Variants in NBEA observed in about 807,000 individuals in gnomAD.
NBEA encodes lysosomal-trafficking regulator 2.
Under a neutral mutation model 343.4 loss-of-function variants are expected in NBEA, and 44 were observed. The ratio of observed to expected loss-of-function variants is 0.13; its 90% CI spans 0.10 to 0.16. NBEA has a LOEUF of 0.16. Among genes scored for constraint, NBEA ranks in the 10% least tolerant of loss-of-function variants. The probability of loss-of-function intolerance (pLI) is 1.00; values close to 1 mark genes in which losing one functional copy is unlikely to be tolerated. For missense variants in NBEA, 2,555 were observed against 3,631.3 expected, an observed-to-expected ratio of 0.70 and a Z score of 7.62; for synonymous variants, 1,175 against 1,238.7, an observed-to-expected ratio of 0.95 and a Z score of 1.08.
intron 38 of NBEA, among the ~76,000 whole-genome samples, chr13:35,410,272 A>G: frequency 6.6e-6 from 1 of 152,076 alleles, no homozygotes; most frequent in Non-Finnish European, 1.5e-5. Context: ...TGAACTAAAA[A>G]CTAGGATTTG....
intron 41 of NBEA, chr13:35,475,445 G>A (rs1224484035): frequency 1.1e-5 from 17 of 1,613,136 alleles, no homozygotes; most frequent in Non-Finnish European, 1.4e-5. Context: ...GCGAACTGCA[G>A]CACCCAGGCG....
intron 39 of NBEA, among the ~76,000 whole-genome samples, chr13:35,433,014 C>T (rs1393600270): frequency 6.6e-6 from 1 of 151,884 alleles, no homozygotes; most frequent in African/African-American, 2.4e-5. Flanking sequence ...TTTAAATTTC[C>T]AGTCCTCCAA....
intron 49 of NBEA, among the ~76,000 whole-genome samples, chr13:35,641,510 C>T (rs2083945325): frequency 6.6e-6 from 1 of 152,032 alleles, no homozygotes; most frequent in Non-Finnish European, 1.5e-5. Context: ...GAACAAACTA[C>T]CGATACATAC....
rs1593489827 is a variant in NBEA, at chr13:35,656,252, A to G, written c.8362+503A>G. Reference sequence around the variant, plus strand: ...GCATTGTGGGAGATGCAAAAACTGAATAAGACAGTTTCCTTGCTTGGGAGG... The same window carrying G: ...GCATTGTGGGAGATGCAAAAACTGAGTAAGACAGTTTCCTTGCTTGGGAGG... On this transcript the variant is annotated intron_variant, in intron 55 of 58. Coordinates refer to ENST00000379939, the MANE Select transcript of NBEA (RefSeq NM_001385012.1). Among the ~76,000 whole-genome samples the G allele has an allele frequency of 3.9e-5, 6 of 152,336 alleles. No individual in the cohort carries two copies. The South Asian group carries it at 1.2e-3, about 32-fold the overall frequency.
At chr13:35,327,630 A>G (rs985589836) in intron 36 of NBEA, among the ~76,000 whole-genome samples, 1 of 151,936 alleles carries the variant, frequency 6.6e-6, no homozygotes, top group Non-Finnish European at 1.5e-5. Flanking sequence ...CTACTTGAGG[A>G]GGGAGAGAGA....
At chr13:35,363,280 C>T (rs2040915772) in intron 38 of NBEA, among the ~76,000 whole-genome samples, 1 of 151,732 alleles carries the variant, frequency 6.6e-6, no homozygotes, top group Non-Finnish European at 1.5e-5. Flanking sequence ...AATCTAGGAG[C>T]GTGTTTGATT....
intron 45 of NBEA, among the ~76,000 whole-genome samples, chr13:35,578,790 T>C (rs978917053): frequency 6.6e-6 from 1 of 152,082 alleles, no homozygotes; most frequent in African/African-American, 2.4e-5. Context: ...ACCAGAAGTG[T>C]TTCAGACTTC....
At chr13:35,361,932 T>C (rs577458501) in intron 38 of NBEA, among the ~76,000 whole-genome samples, 6 of 152,118 alleles carry the variant, frequency 3.9e-5, no homozygotes, top group African/African-American at 1.4e-4. Context: ...AGAGAGCTTT[T>C]CAGGATGATG....
chr13:35,328,184 G>C (rs996366560), intron 36 of NBEA, among the ~76,000 whole-genome samples: 1 of 151,804 alleles, frequency 6.6e-6, no homozygotes. Flanking sequence ...CAGGATACAG[G>C]ACCAATATTC....
intron 7 of NBEA, among the ~76,000 whole-genome samples, chr13:35,057,736 A>G (rs983281514): frequency 3.3e-5 from 5 of 152,102 alleles, no homozygotes; most frequent in African/African-American, 7.2e-5. Flanking sequence ...TTAAATGAGA[A>G]GACAGTATCT....
intron 38 of NBEA, among the ~76,000 whole-genome samples, chr13:35,412,921 A>G (rs1345330881): frequency 1.3e-5 from 2 of 152,156 alleles, no homozygotes; most frequent in African/African-American, 4.8e-5. Context: ...TGTACAATGA[A>G]TTAATAATAG....
intron 44 of NBEA, among the ~76,000 whole-genome samples, chr13:35,565,866 T>G (rs190438086): frequency 1.3e-5 from 2 of 152,212 alleles, no homozygotes; most frequent in Admixed American, 1.3e-4. Context: ...TTCGCTAAAG[T>G]GAAACAACAT....
intron 10 of NBEA, among the ~76,000 whole-genome samples, chr13:35,094,556 T>G (rs558567628): frequency 5.3e-5 from 8 of 152,150 alleles, no homozygotes; most frequent in African/African-American, 1.9e-4. Context: ...GAAATTTAAC[T>G]CTTACAACTT....
At chr13:35,067,812 T>C (rs117811066) in intron 8 of NBEA, among the ~76,000 whole-genome samples, 6,970 of 152,158 alleles carry the variant, frequency 0.046, 241 homozygotes, top group Non-Finnish European at 0.067. Flanking sequence ...TCATGGCTCA[T>C]TGTGGTCTCA....
chr13:35,555,271 CT>C (rs2079525324), intron 44 of NBEA, among the ~76,000 whole-genome samples, 169 bp downstream of exon 44: 1 of 152,148 alleles, frequency 6.6e-6, no homozygotes, highest in African/African-American at 2.4e-5. Context: ...TCATACCAAA[CT>C]TTTAGATGCA....
intron 48 of NBEA, among the ~76,000 whole-genome samples, chr13:35,607,662 A>G (rs992475075): frequency 3.3e-5 from 5 of 152,174 alleles, no homozygotes; most frequent in African/African-American, 1.2e-4. Context: ...AGGTCCACAC[A>G]TTGTGAGGGA....
chr13:35,321,875 C>G (rs1376519975), intron 36 of NBEA, among the ~76,000 whole-genome samples: 1 of 152,202 alleles, frequency 6.6e-6, no homozygotes, highest in Non-Finnish European at 1.5e-5. Flanking sequence ...TTGAAACTTC[C>G]CGGTGGCTTT....
intron 24 of NBEA, chr13:35,165,176 TG>T: frequency 1.9e-6 from 1 of 524,220 alleles, no homozygotes; most frequent in South Asian, 1.4e-5. Context: ...TTTACTAAGA[TG>T]TGCTTTAGTT....
chr13:35,233,765 A>C (rs1467333379), intron 34 of NBEA, among the ~76,000 whole-genome samples: 1 of 152,182 alleles, frequency 6.6e-6, no homozygotes, highest in Non-Finnish European at 1.5e-5. Flanking sequence ...AAAATCAATA[A>C]GCATTAAACA....
Sources: allele counts gnomAD v4.1 joint callset (sites outside exome capture counted in the v4.1 genomes callset), GRCh38; gene constraint gnomAD v4.1.1; transcripts MANE v1.5; gene names NCBI Gene and HGNC (gene_info 2026-07-23, HGNC 2026-07-21).